Variants in PVT1 observed in about 807,000 individuals in gnomAD.
PVT1 encodes Pvt1 oncogene, also known as CXCR4/PVT1 fusion.
intron 2 of PVT1, among the ~76,000 whole-genome samples, chr8:127,815,190 C>T (rs1285818023): frequency 3.9e-5 from 6 of 152,210 alleles, no homozygotes; most frequent in Non-Finnish European, 8.8e-5. Flanking sequence ...TGGTCTCAAA[C>T]TCCTGACCTC....
At chr8:127,951,087 G>A (rs1420177922) in intron 3 of PVT1, among the ~76,000 whole-genome samples, 2 of 152,072 alleles carry the variant, frequency 1.3e-5, no homozygotes, top group African/African-American at 4.8e-5. Context: ...TAGTAGAGAT[G>A]GGGTTTCACC....
At chr8:128,078,502 G>A (rs1256036178) in intron 5 of PVT1, among the ~76,000 whole-genome samples, 1 of 152,134 alleles carries the variant, frequency 6.6e-6, no homozygotes, top group East Asian at 1.9e-4. Context: ...TTAGAACTTA[G>A]TACTAAGAAC....
At chr8:127,975,870 G>A (rs546538295) in intron 3 of PVT1, among the ~76,000 whole-genome samples, 1 of 152,134 alleles carries the variant, frequency 6.6e-6, no homozygotes, top group Admixed American at 6.5e-5. Context: ...TTTCTAGATG[G>A]TTTTTTCTGG....
intron 4 of PVT1, among the ~76,000 whole-genome samples, chr8:128,017,853 T>C (rs4236750): frequency 0.84 from 127,301 of 152,184 alleles, 53,408 homozygotes; most frequent in East Asian, 0.89. Context: ...TCACTCCTTG[T>C]GTCGGGGGTG....
intron 5 of PVT1, among the ~76,000 whole-genome samples, chr8:128,076,510 A>AG (rs1814091698): frequency 6.6e-6 from 1 of 152,040 alleles, no homozygotes; most frequent in African/African-American, 2.4e-5. Context: ...TCTTTTGCTT[A>AG]GGTTTGTCTT....
intron 3 of PVT1, among the ~76,000 whole-genome samples, chr8:127,937,405 C>A (rs1039526475): frequency 6.6e-6 from 1 of 151,802 alleles, no homozygotes; most frequent in Non-Finnish European, 1.5e-5. Context: ...TGTGCCATCA[C>A]GCCCAGCTAA....
intron 3 of PVT1, among the ~76,000 whole-genome samples, chr8:127,899,900 G>T (rs1325222668): frequency 2.0e-5 from 3 of 152,130 alleles, no homozygotes; most frequent in African/African-American, 7.2e-5. Context: ...TGAATATCTA[G>T]CTCTGAAACA....
At chr8:127,838,373 G>C (rs1391193636) in intron 2 of PVT1, among the ~76,000 whole-genome samples, 2 of 152,104 alleles carry the variant, frequency 1.3e-5, no homozygotes, top group African/African-American at 4.8e-5. Flanking sequence ...TTAAAGGTTT[G>C]TCATTTGGAG....
intron 3 of PVT1, among the ~76,000 whole-genome samples, chr8:127,982,676 T>TAATA (rs869067233): frequency 2.1e-5 from 3 of 140,914 alleles, no homozygotes; most frequent in African/African-American, 6.3e-5. Context: ...ATTAATTAAT[T>TAATA]AATAAAATAA....
At chr8:128,010,197 A>G (rs1391464070) in intron 4 of PVT1, 2 of 152,174 alleles carry the variant, frequency 1.3e-5, no homozygotes, top group African/African-American at 2.4e-5. Flanking sequence ...TGAATGCAGC[A>G]ATGGTTTCAG....
intron 2 of PVT1, among the ~76,000 whole-genome samples, chr8:127,886,981 T>G (rs1815529999): frequency 6.6e-6 from 1 of 152,218 alleles, no homozygotes; most frequent in Admixed American, 6.5e-5. Context: ...GGTAGTTAAT[T>G]CAGTAATCTA....
chr8:127,932,751 A>G (rs1816223178), intron 3 of PVT1: 2 of 240,724 alleles, frequency 8.3e-6, no homozygotes, highest in South Asian at 3.7e-4. Flanking sequence ...TTTTATCTCA[A>G]TAAGCTGATA....
At chr8:127,947,799 A>G (rs1178506604) in intron 3 of PVT1, 2 of 456,440 alleles carry the variant, frequency 4.4e-6, no homozygotes, top group Non-Finnish European at 8.8e-6. Flanking sequence ...AGTTACAAAT[A>G]CTATGAAACA....
chr8:127,832,469 C>T (rs2129700056), intron 2 of PVT1, among the ~76,000 whole-genome samples: 1 of 152,322 alleles, frequency 6.6e-6, no homozygotes, highest in Non-Finnish European at 1.5e-5. Flanking sequence ...ATGCCTGGTT[C>T]AGCAAGTGGT....
At chr8:128,049,159 T>C (rs748926661) in intron 4 of PVT1, 2 of 531,084 alleles carry the variant, frequency 3.8e-6, no homozygotes, top group East Asian at 5.5e-5. Context: ...TGTGCAGGGC[T>C]GGCAGGGAGG....
intron 4 of PVT1, chr8:128,049,020 A>G (rs897258770): frequency 2.1e-5 from 8 of 380,242 alleles, no homozygotes; most frequent in Non-Finnish European, 3.1e-5. Flanking sequence ...AGCCAGCCAT[A>G]TGTTTAAGCT....
chr8:128,043,305 C>T (rs188011709), intron 4 of PVT1, among the ~76,000 whole-genome samples: 103 of 152,256 alleles, frequency 6.8e-4, no homozygotes, highest in African/African-American at 2.3e-3. Context: ...GATAAAGCCC[C>T]CTAGGACTTC....
At chr8:127,877,582 A>G (rs1435442832) in intron 2 of PVT1, among the ~76,000 whole-genome samples, 1 of 152,126 alleles carries the variant, frequency 6.6e-6, no homozygotes, top group Non-Finnish European at 1.5e-5. Flanking sequence ...CCGCACATCT[A>G]CTACTGTTTA....
chr8:127,803,330 C>CG (rs1369926260), intron 2 of PVT1: 2 of 152,102 alleles, frequency 1.3e-5, no homozygotes, highest in East Asian at 3.9e-4. Context: ...GAGGTTTCAC[C>CG]ATGTTAGCCA....
Sources: gnomAD v4.1 joint callset for allele counts (sites outside exome capture counted in the v4.1 genomes callset) on GRCh38, gnomAD v4.1.1 for gene constraint, MANE v1.5 for transcripts, NCBI Gene and HGNC (gene_info 2026-07-23, HGNC 2026-07-21) for gene names.